DCDC1: variants seen among roughly 807,000 people sequenced by gnomAD.
DCDC1 encodes doublecortin domain-containing protein 1.
In DCDC1, 200 loss-of-function variants were observed where a neutral mutation model predicts 178.3. The ratio of observed to expected loss-of-function variants is 1.12; its 90% CI spans 1.00 to 1.26. The LOEUF (loss-of-function observed/expected upper bound fraction) is 1.26, where lower values mean the gene tolerates loss of function less well. DCDC1 is among the 50% of genes most tolerant of loss of function. The pLI is 0.00. For synonymous variants in DCDC1, 690 were observed against 604.8 expected, an observed-to-expected ratio of 1.14 and a Z score of -2.07; for missense variants, 1,983 against 1,749.2, an observed-to-expected ratio of 1.13 and a Z score of -2.38.
At position 31,124,587 on chromosome 11, in the gene DCDC1, T is replaced by C. The variant is rs1961322735; in HGVS notation, c.1485+2882A>G. Reference sequence around the variant, plus strand: ...CATGGTACTGGTACAAGAACAGACATGTAGACCAATGGAACAGAATACAGA... The same window carrying C: ...CATGGTACTGGTACAAGAACAGACACGTAGACCAATGGAACAGAATACAGA... On this transcript the variant is annotated intron_variant, in intron 11 of 38. Transcript: ENST00000684477. 2.0e-5 allele frequency among the ~76,000 whole-genome samples: 3 copies of C among 152,100 alleles called. No homozygotes were observed. The South Asian group carries it at 6.2e-4, about 32-fold the overall frequency.
intron 18 of DCDC1, among the ~76,000 whole-genome samples, chr11:31,074,465 G>A (rs930306143): frequency 6.6e-6 from 1 of 152,118 alleles, no homozygotes; most frequent in African/African-American, 2.4e-5. Flanking sequence ...GGCCTTTATA[G>A]AAAGGCTCAA....
chr11:31,106,601 C>T (rs560057941), intron 13 of DCDC1, among the ~76,000 whole-genome samples, 196 bp downstream of exon 13: 7 of 151,950 alleles, frequency 4.6e-5, no homozygotes, highest in Non-Finnish European at 7.4e-5. Flanking sequence ...CAGAAAGTCA[C>T]AGACAGAGAT....
intron 9 of DCDC1, among the ~76,000 whole-genome samples, chr11:31,200,088 T>C (rs1414504097): frequency 6.6e-6 from 1 of 152,120 alleles, no homozygotes; most frequent in Non-Finnish European, 1.5e-5. Flanking sequence ...ACTTGAAACT[T>C]GCCCTGGTAA....
intron 20 of DCDC1, among the ~76,000 whole-genome samples, chr11:31,054,323 C>T (rs1462815377): frequency 1.3e-5 from 2 of 151,050 alleles, no homozygotes; most frequent in Non-Finnish European, 2.9e-5. Context: ...CAAAACACTG[C>T]TGAAATAAAT....
At chr11:31,195,638 A>C (rs1036876781) in intron 9 of DCDC1, among the ~76,000 whole-genome samples, 1 of 152,014 alleles carries the variant, frequency 6.6e-6, no homozygotes, top group Non-Finnish European at 1.5e-5. Context: ...TTTTTCTTTC[A>C]TACTATCCAA....
intron 9 of DCDC1, among the ~76,000 whole-genome samples, chr11:31,203,987 C>T (rs905216857): frequency 6.6e-6 from 1 of 152,130 alleles, no homozygotes; most frequent in Non-Finnish European, 1.5e-5. Context: ...AAAAGTGTGG[C>T]CTTCTCATAT....
chr11:30,939,445 C>CA (rs1947493796), intron 21 of DCDC1, among the ~76,000 whole-genome samples: 1 of 152,186 alleles, frequency 6.6e-6, no homozygotes, highest in Non-Finnish European at 1.5e-5. Context: ...TTTTTAATAA[C>CA]AGTCTTGCAA....
At chr11:31,152,137 T>C (rs1010065703) in intron 9 of DCDC1, among the ~76,000 whole-genome samples, 9 of 152,202 alleles carry the variant, frequency 5.9e-5, no homozygotes, top group African/African-American at 1.9e-4. Context: ...AATTTTTTCA[T>C]TTCATGTCTA....
chr11:30,978,290 C>T (rs760798698), intron 20 of DCDC1, among the ~76,000 whole-genome samples: 4 of 152,182 alleles, frequency 2.6e-5, no homozygotes, highest in Admixed American at 2.0e-4. Flanking sequence ...CCACTTATGT[C>T]TTAACCAACA....
chr11:30,883,615 ATT>A lies in DCDC1; in HGVS notation c.5083-2309_5083-2308del, dbSNP rs568714297. On this transcript the variant is annotated intron_variant, in intron 36 of 38. Coordinates refer to ENST00000684477, the MANE Select transcript of DCDC1 (RefSeq NM_001387274.1). The stretch of plus-strand genomic sequence containing the variant: ...AAGCATGGGAGAAAAATTCAGTTAT[ATT>A]TACACTTCGTTTTCTGTAACACTGA... 172 of 242,204 alleles carry A rather than the reference ATT, an allele frequency of 7.1e-4. 2 individuals are homozygous for A. Among genetic ancestry groups the A allele is most frequent in the South Asian group, 5.8e-3 (131 of 22,406 alleles). 15.0% of individuals were successfully genotyped at this position (242,204 alleles called of 1,614,324 possible).
chr11:31,362,020 C>T (rs1951733172), intron 1 of DCDC1, among the ~76,000 whole-genome samples: 1 of 152,152 alleles, frequency 6.6e-6, no homozygotes, highest in South Asian at 2.1e-4. Flanking sequence ...CTACACTTTC[C>T]TACCTCTTCT....
At chr11:30,876,443 T>C (rs1942126522) in intron 38 of DCDC1, among the ~76,000 whole-genome samples, 1 of 152,178 alleles carries the variant, frequency 6.6e-6, no homozygotes, top group African/African-American at 2.4e-5. Context: ...AAAGTGGCTA[T>C]GAACTACCAA....
At chr11:31,266,685 G>T (rs1945189614) in intron 7 of DCDC1, among the ~76,000 whole-genome samples, 1 of 152,118 alleles carries the variant, frequency 6.6e-6, no homozygotes, top group African/African-American at 2.4e-5. Flanking sequence ...TCTTTCAGTT[G>T]CCGATACTAC....
chr11:31,208,535 G>A (rs186486652), intron 9 of DCDC1, among the ~76,000 whole-genome samples: 4 of 152,228 alleles, frequency 2.6e-5, no homozygotes, highest in East Asian at 3.9e-4. Context: ...CCACATACGA[G>A]TCAGCATTAT....
chr11:31,087,852 T>A (rs1957574657), intron 17 of DCDC1, among the ~76,000 whole-genome samples: 1 of 152,122 alleles, frequency 6.6e-6, no homozygotes, highest in South Asian at 2.1e-4. Flanking sequence ...GTCTGTAATG[T>A]TATTCTAGTC....
At chr11:31,332,306 T>G (rs1221627882) in intron 2 of DCDC1, among the ~76,000 whole-genome samples, 1 of 152,142 alleles carries the variant, frequency 6.6e-6, no homozygotes, top group Non-Finnish European at 1.5e-5. Context: ...GTCTATCAAT[T>G]TTGTTGATGT....
At chr11:31,323,806 A>T (rs1193662189) in intron 3 of DCDC1, among the ~76,000 whole-genome samples, 1 of 152,142 alleles carries the variant, frequency 6.6e-6, no homozygotes, top group African/African-American at 2.4e-5. Context: ...TGGTGAATGT[A>T]AGCTTTTATA....
At chr11:31,249,788 A>G (rs1182795896) in intron 8 of DCDC1, among the ~76,000 whole-genome samples, 2 of 152,192 alleles carry the variant, frequency 1.3e-5, no homozygotes, top group Non-Finnish European at 2.9e-5. Context: ...TAAGGAACTC[A>G]ATGATTGAAG....
intron 4 of DCDC1, among the ~76,000 whole-genome samples, 164 bp from the exon 5 acceptor site, chr11:31,306,552 G>GAGTA (rs1003886745): frequency 6.6e-6 from 1 of 151,982 alleles, no homozygotes; most frequent in African/African-American, 2.4e-5. Flanking sequence ...TGTTGTTACA[G>GAGTA]AGTAACACTC....
Sources: gnomAD v4.1 joint callset for allele counts (sites outside exome capture counted in the v4.1 genomes callset) on GRCh38, gnomAD v4.1.1 for gene constraint, MANE v1.5 for transcripts, NCBI Gene and HGNC (gene_info 2026-07-23, HGNC 2026-07-21) for gene names.